Variants in PCDH11X observed in about 807,000 individuals in gnomAD.
The protein encoded by PCDH11X is protocadherin 11 X-linked.
In PCDH11X, 18 loss-of-function variants were observed where a neutral mutation model predicts 53.3. The observed-to-expected ratio is 0.34, with a 90% CI of 0.23 to 0.50. PCDH11X has a LOEUF of 0.50. PCDH11X is among the 20% of genes least tolerant of loss of function. The probability of loss-of-function intolerance (pLI) is 0.98; values close to 1 mark genes in which losing one functional copy is unlikely to be tolerated. For synonymous variants in PCDH11X, 279 were observed against 393.3 expected (o/e 0.71, Z 3.44); for missense variants, 570 against 1,032.4 (o/e 0.55, Z 6.14).
At chrX:92,509,003 C>A (rs757207014) in intron 10 of PCDH11X, among the ~76,000 whole-genome samples, 10 of 96,337 alleles carry the variant, frequency 1.0e-4, no homozygotes, top group African/African-American at 3.6e-4. Flanking sequence ...GGGAAAAATA[C>A]TTTACAGCCA....
At chrX:91,849,828 T>C (rs1304313792) in intron 5 of PCDH11X, among the ~76,000 whole-genome samples, 1 of 98,521 alleles carries the variant, frequency 1.0e-5, no homozygotes, top group African/African-American at 3.7e-5. Flanking sequence ...ATAGCTAATT[T>C]ATTTGAAAAC....
At chrX:91,968,882 T>A (rs2061904525) in intron 6 of PCDH11X, among the ~76,000 whole-genome samples, 1 of 111,986 alleles carries the variant, frequency 8.9e-6, no homozygotes, top group African/African-American at 3.2e-5. Context: ...ATGGAATTAT[T>A]AAATGTTAAT....
intron 6 of PCDH11X, among the ~76,000 whole-genome samples, chrX:92,159,677 A>T (rs1484488001): frequency 1.0e-5 from 1 of 100,455 alleles, no homozygotes; most frequent in East Asian, 3.2e-4. Flanking sequence ...TAGTTTAAAG[A>T]CATAATTGAC....
chrX:92,409,863 A>G (rs2071605692), intron 9 of PCDH11X, among the ~76,000 whole-genome samples: 1 of 111,939 alleles, frequency 8.9e-6, no homozygotes, highest in African/African-American at 3.2e-5. Context: ...TATTTACTAA[A>G]AAATCAATGC....
chrX:92,085,721 A>G (rs2063939500), intron 6 of PCDH11X, among the ~76,000 whole-genome samples: 1 of 111,605 alleles, frequency 9.0e-6, no homozygotes, highest in South Asian at 3.7e-4. Context: ...TTCTTCCCAA[A>G]TAACACCTAT....
chrX:92,368,207 T>A, intron 8 of PCDH11X, among the ~76,000 whole-genome samples: 1 of 108,265 alleles, frequency 9.2e-6, no homozygotes. Context: ...CATTCTTTTT[T>A]CTCTAATCTT....
intron 8 of PCDH11X, among the ~76,000 whole-genome samples, chrX:92,331,398 T>C (rs866510908): frequency 4.2e-5 from 3 of 71,668 alleles, no homozygotes; most frequent in East Asian, 8.8e-4. Flanking sequence ...TCCTCTTCCT[T>C]CTTCTGCTTT....
rs752201993 is a variant in PCDH11X at position 91,974,845 on chromosome X, C to T, written c.3033+95572C>T. Among the ~76,000 whole-genome samples, 134 of 110,160 alleles carry T rather than the reference C, an allele frequency of 1.2e-3. 1 individual carries two copies. The highest frequency in any genetic ancestry group is 4.2e-3 in the African/African-American group (128 of 30,331). ...TCGGCTCACTGCAACCTCCACCTCC[C>T]GGGCTCAATTGATTCTCCTGCCTCA... On this transcript the variant is annotated intron_variant, in intron 6 of 10. Transcript: ENST00000682573.
intron 6 of PCDH11X, among the ~76,000 whole-genome samples, chrX:92,169,020 A>T (rs1483892630): frequency 9.0e-6 from 1 of 111,552 alleles, no homozygotes; most frequent in East Asian, 2.8e-4. Context: ...ATGAAAATCC[A>T]GAAAATCATG....
intron 6 of PCDH11X, among the ~76,000 whole-genome samples, chrX:91,983,975 A>G (rs1435938135): frequency 9.1e-6 from 1 of 109,680 alleles, no homozygotes; most frequent in Admixed American, 9.8e-5. Context: ...TAATCTGGAA[A>G]ATCATCTCAA....
intron 6 of PCDH11X, among the ~76,000 whole-genome samples, chrX:92,102,582 C>T (rs1402473470): frequency 5.4e-5 from 6 of 111,796 alleles, no homozygotes; most frequent in African/African-American, 2.0e-4. Flanking sequence ...TTGGGCTTGA[C>T]TGAAGTAATG....
intron 8 of PCDH11X, among the ~76,000 whole-genome samples, chrX:92,379,472 G>T (rs1488815865): frequency 8.8e-6 from 1 of 113,090 alleles, no homozygotes; most frequent in Non-Finnish European, 1.9e-5. Flanking sequence ...GGGCCTGAAG[G>T]TGCCCTTTGG....
At chrX:91,825,027 C>T (rs1439146913) in intron 4 of PCDH11X, among the ~76,000 whole-genome samples, 1 of 111,015 alleles carries the variant, frequency 9.0e-6, no homozygotes, top group Non-Finnish European at 1.9e-5. Context: ...AGGCAGTCTG[C>T]GTGTTCTCAG....
chrX:92,425,000 C>T (rs1229375563), intron 9 of PCDH11X, among the ~76,000 whole-genome samples: 1 of 97,066 alleles, frequency 1.0e-5, no homozygotes, highest in Non-Finnish European at 2.3e-5. Flanking sequence ...CAGATGCTGG[C>T]TAACTGGTAG....
At chrX:91,789,186 G>A (rs1333096753) in intron 1 of PCDH11X, among the ~76,000 whole-genome samples, 2 of 78,207 alleles carry the variant, frequency 2.6e-5, no homozygotes, top group African/African-American at 1.1e-4. Flanking sequence ...TGGCAACAGA[G>A]CAGGACTCCG....
chrX:92,313,761 A>G (rs1002868744), intron 8 of PCDH11X, among the ~76,000 whole-genome samples: 8 of 111,979 alleles, frequency 7.1e-5, no homozygotes, highest in Admixed American at 9.6e-5. Flanking sequence ...ACAGCATGTT[A>G]ATGTATATAT....
chrX:92,588,688 T>C (rs189790227), intron 10 of PCDH11X, among the ~76,000 whole-genome samples: 42 of 109,686 alleles, frequency 3.8e-4, no homozygotes, highest in African/African-American at 1.4e-3. Flanking sequence ...AGAGCACATG[T>C]AAGGGGTATT....
At chrX:92,075,980 G>T (rs2063766785) in intron 6 of PCDH11X, among the ~76,000 whole-genome samples, 1 of 109,944 alleles carries the variant, frequency 9.1e-6, no homozygotes, top group South Asian at 3.9e-4. Flanking sequence ...ATACCTAGAG[G>T]CTGTGGAAAG....
chrX:92,426,801 A>G (rs942868089), intron 9 of PCDH11X, among the ~76,000 whole-genome samples: 9 of 111,005 alleles, frequency 8.1e-5, no homozygotes, highest in African/African-American at 2.6e-4. Context: ...ATTTTATTCG[A>G]AAGGGACCTT....
Sources: allele counts gnomAD v4.1 joint callset (sites outside exome capture counted in the v4.1 genomes callset), GRCh38; gene constraint gnomAD v4.1.1; transcripts MANE v1.5; gene names NCBI Gene and HGNC (gene_info 2026-07-23, HGNC 2026-07-21).